The following ANKRD11 variants were observed in gnomAD, a reference collection of about 807,000 sequenced individuals.
ANKRD11 encodes ankyrin repeat domain-containing protein 11.
In ANKRD11, 17 loss-of-function variants were observed where a neutral mutation model predicts 195.7. The ratio of observed to expected loss-of-function variants is 0.09; its 90% CI spans 0.06 to 0.13. The LOEUF (loss-of-function observed/expected upper bound fraction) is 0.13. Among genes scored for constraint, ANKRD11 ranks in the 10% least tolerant of loss-of-function variants. ANKRD11 has a pLI of 1.00. For missense variants in ANKRD11, 3,735 were observed against 3,566.1 expected, an observed-to-expected ratio of 1.05 and a Z score of -1.21; for synonymous variants, 1,953 against 1,528.1, an observed-to-expected ratio of 1.28 and a Z score of -6.49.
At chr16:89,448,609 T>A (rs2043915157) in intron 1 of ANKRD11, among the ~76,000 whole-genome samples, 1 of 152,210 alleles carries the variant, frequency 6.6e-6, no homozygotes, top group African/African-American at 2.4e-5. Flanking sequence ...AGCACAAAAA[T>A]ACCTTCCAAA....
At chr16:89,308,819 A>G (rs2036447378) in intron 3 of ANKRD11, among the ~76,000 whole-genome samples, 3 of 152,134 alleles carry the variant, frequency 2.0e-5, no homozygotes, top group Admixed American at 6.5e-5. Context: ...GGTGCACACC[A>G]TGAGAACGGG....
At chr16:89,399,431 C>G (rs1001942175) in intron 2 of ANKRD11, among the ~76,000 whole-genome samples, 1 of 152,202 alleles carries the variant, frequency 6.6e-6, no homozygotes. Flanking sequence ...CTGTACGGTT[C>G]CGACTCTGAC....
intron 2 of ANKRD11, among the ~76,000 whole-genome samples, chr16:89,396,949 A>G (rs951731531): frequency 9.2e-6 from 1 of 108,698 alleles, no homozygotes; most frequent in Admixed American, 9.8e-5. Context: ...GGTTTCCCAG[A>G]GCACTGGTGG....
chr16:89,281,216 T>G lies in ANKRD11; in HGVS notation c.5326A>C (p.Ser1776Arg), dbSNP rs1271850536. 1 of 1,614,196 alleles carries G rather than the reference T, an allele frequency of 6.2e-7. No homozygotes were observed. Among genetic ancestry groups the G allele is most frequent in the Non-Finnish European group, 8.5e-7 (1 of 1,180,026 alleles). ...GAGAGAGGCCTGGCAGGAGCCTGGC[T>G]GGCGTTTTCCGAAAGCCCACTTGAA... is the stretch of plus-strand genomic sequence containing the variant. ...VASSGLSENA[S>R]QAPARPLSTN... Residue 1776 changes from serine to arginine, a missense_variant, in exon 9 of 13, where the codon AGC (serine) becomes CGC (arginine). Transcript: ENST00000301030. The surrounding 1 kb of genome is among the most constrained non-coding windows in gnomAD (Gnocchi z 5.5).
At chr16:89,398,825 G>C (rs1314368277) in intron 2 of ANKRD11, among the ~76,000 whole-genome samples, 6 of 152,106 alleles carry the variant, frequency 3.9e-5, no homozygotes, top group African/African-American at 1.4e-4. Context: ...AGAAAAATCA[G>C]GTGGGCTAAG....
At chr16:89,351,299 C>A (rs1044762530) in intron 2 of ANKRD11, among the ~76,000 whole-genome samples, 2 of 152,142 alleles carry the variant, frequency 1.3e-5, no homozygotes, top group African/African-American at 4.8e-5. Flanking sequence ...TCTGGAAAAG[C>A]AGAATACATT....
intron 1 of ANKRD11, among the ~76,000 whole-genome samples, chr16:89,461,498 C>T (rs952461448): frequency 1.5e-4 from 23 of 152,224 alleles, no homozygotes; most frequent in Middle Eastern, 3.4e-3. Flanking sequence ...CCTGCCACCA[C>T]GCCTGGCTAA....
chr16:89,311,254 A>G (rs1286836443), intron 3 of ANKRD11, among the ~76,000 whole-genome samples: 1 of 152,238 alleles, frequency 6.6e-6, no homozygotes, highest in Non-Finnish European at 1.5e-5. Flanking sequence ...ATGGTACATT[A>G]TTCATTTTAT....
At chr16:89,423,989 C>T (rs930304319) in intron 1 of ANKRD11, among the ~76,000 whole-genome samples, 3 of 152,040 alleles carry the variant, frequency 2.0e-5, no homozygotes, top group African/African-American at 4.8e-5. Context: ...CGGCGTACAA[C>T]GGGATAATGA....
At position 89,281,463 on chromosome 16, in the gene ANKRD11, G is replaced by C. The variant is rs746598883; in HGVS notation, c.5079C>G (p.Pro1693=). 3.1e-6 allele frequency: 5 copies of C among 1,613,992 alleles called. No homozygotes were observed. In the African/African-American group the frequency reaches 6.7e-5, roughly 22 times the overall value. The stretch of plus-strand genomic sequence containing the variant: ...CAGTGGGCCGGCTCTGGTCAGGCCT[G>C]GGGGACGCAGGCAGGACCTCTTTCA... ...PHMKEVLPAS[P]RPDQSRPTGV... Residue 1693 remains proline, a synonymous_variant, in exon 9 of 13, where the codon CCC becomes CCG. Transcript: ENST00000301030. The surrounding 1 kb of genome is among the most constrained non-coding windows in gnomAD (Gnocchi z 5.5).
intron 1 of ANKRD11, among the ~76,000 whole-genome samples, chr16:89,463,754 G>C (rs746533427): frequency 3.3e-5 from 5 of 151,300 alleles, no homozygotes; most frequent in East Asian, 1.9e-4. Context: ...ACAGCAAATT[G>C]TCTAGTTCAC....
intron 2 of ANKRD11, among the ~76,000 whole-genome samples, chr16:89,359,316 G>C (rs1157232498): frequency 6.6e-6 from 1 of 152,134 alleles, no homozygotes; most frequent in Non-Finnish European, 1.5e-5. Flanking sequence ...TCCCAGAGCA[G>C]CCATTTCCCA....
chr16:89,441,724 G>C (rs1345165077), intron 1 of ANKRD11, among the ~76,000 whole-genome samples: 4 of 126,632 alleles, frequency 3.2e-5, no homozygotes, highest in Non-Finnish European at 1.5e-5. Context: ...CCAAGATCGT[G>C]CCACTGCACT....
chr16:89,456,343 G>A (rs1458530176), intron 1 of ANKRD11, among the ~76,000 whole-genome samples: 5 of 151,830 alleles, frequency 3.3e-5, no homozygotes, highest in Non-Finnish European at 7.4e-5. Flanking sequence ...GAGGTCAGGA[G>A]TTCGAGACCA....
chr16:89,462,587 C>A (rs1403057298), intron 1 of ANKRD11, among the ~76,000 whole-genome samples: 5 of 151,032 alleles, frequency 3.3e-5, no homozygotes, highest in South Asian at 4.2e-4. Flanking sequence ...AAGTGAGGAG[C>A]GTCTCCGCCC....
At chr16:89,361,261 G>A (rs1597785873) in intron 2 of ANKRD11, among the ~76,000 whole-genome samples, 2 of 152,222 alleles carry the variant, frequency 1.3e-5, no homozygotes, top group Non-Finnish European at 2.9e-5. Flanking sequence ...CCTGCCCCAA[G>A]CAGCAGGAAA....
At chr16:89,399,648 G>A (rs568043664) in intron 2 of ANKRD11, among the ~76,000 whole-genome samples, 89 of 152,294 alleles carry the variant, frequency 5.8e-4, no homozygotes, top group African/African-American at 2.1e-3. Flanking sequence ...CCCTGAGGTC[G>A]TGCGGCCTGT....
At chr16:89,344,745 C>T (rs372921901) in intron 2 of ANKRD11, among the ~76,000 whole-genome samples, 4 of 147,620 alleles carry the variant, frequency 2.7e-5, no homozygotes, top group African/African-American at 1.1e-4. Context: ...GGGAGCACAG[C>T]GGAGGGCACG....
intron 1 of ANKRD11, among the ~76,000 whole-genome samples, chr16:89,421,850 G>C (rs1359481690): frequency 6.6e-6 from 1 of 152,182 alleles, no homozygotes; most frequent in Non-Finnish European, 1.5e-5. Flanking sequence ...CCATGTCTTG[G>C]GGCAGGGGTG....
Sources: allele counts gnomAD v4.1 joint callset (sites outside exome capture counted in the v4.1 genomes callset), GRCh38; gene constraint gnomAD v4.1.1; non-coding constraint Gnocchi (gnomAD v3.1); transcripts MANE v1.5; gene names NCBI Gene and HGNC (gene_info 2026-07-23, HGNC 2026-07-21).